The following NPAS3 variants were observed in gnomAD, a reference collection of about 807,000 sequenced individuals.
NPAS3 encodes the protein neuronal PAS domain-containing protein 3.
Under a neutral mutation model 73.1 loss-of-function variants are expected in NPAS3, and 14 were observed. The observed-to-expected ratio is 0.19, with a 90% CI of 0.13 to 0.30. The LOEUF (loss-of-function observed/expected upper bound fraction) is 0.30, where lower values mean the gene tolerates loss of function less well. NPAS3 is among the 10% of genes least tolerant of loss of function. NPAS3 has a pLI of 1.00. For synonymous variants in NPAS3, 620 were observed against 541.5 expected (o/e 1.14, Z -2.01); for missense variants, 1,096 against 1,250.0 (o/e 0.88, Z 1.86).
intron 6 of NPAS3, among the ~76,000 whole-genome samples, chr14:33,716,491 T>G (rs1484655562): frequency 6.6e-6 from 1 of 152,180 alleles, no homozygotes. Context: ...ATAAAAGTTA[T>G]CATTTTGCCA....
rs140775364 is a variant in NPAS3 at position 33,740,606 on chromosome 14, G to A, written c.852+5274G>A. Among the ~76,000 whole-genome samples, 89 of 152,300 alleles carry A rather than the reference G, an allele frequency of 5.8e-4. 1 individual carries two copies. The highest frequency in any genetic ancestry group is 2.0e-3 in the African/African-American group (83 of 41,572). On this transcript the variant is annotated intron_variant, in intron 7 of 11. Coordinates refer to ENST00000356141, the Ensembl canonical transcript of NPAS3. ...AGCTATGAACCCAAACGATTGTACC[G>A]TGATCTGGCTCACATTTCTCCATTT...
chr14:33,528,799 T>G (rs2053916070), intron 4 of NPAS3, among the ~76,000 whole-genome samples: 1 of 152,110 alleles, frequency 6.6e-6, no homozygotes, highest in Non-Finnish European at 1.5e-5. Context: ...TAACTTCTAA[T>G]ATAACAACAG....
intron 1 of NPAS3, among the ~76,000 whole-genome samples, chr14:32,944,271 G>A (rs1429004959): frequency 1.3e-5 from 2 of 152,044 alleles, no homozygotes; most frequent in African/African-American, 2.4e-5. Flanking sequence ...CATTCTAATT[G>A]ATTTTTTAAA....
intron 2 of NPAS3, among the ~76,000 whole-genome samples, chr14:33,083,222 CT>C (rs2041919388): frequency 4.2e-4 from 1 of 2,404 alleles, no homozygotes; most frequent in Non-Finnish European, 8.6e-4. Context: ...AAAGAAGGGA[CT>C]TTGCCTTTGC....
chr14:33,545,266 T>C (rs188804077), intron 4 of NPAS3, among the ~76,000 whole-genome samples: 8 of 152,266 alleles, frequency 5.3e-5, no homozygotes, highest in Middle Eastern at 3.4e-3. Flanking sequence ...CTTAGTAGAT[T>C]ATCCTACACT....
intron 5 of NPAS3, among the ~76,000 whole-genome samples, chr14:33,640,902 T>C (rs1312202970): frequency 2.0e-5 from 3 of 152,174 alleles, no homozygotes; most frequent in African/African-American, 7.2e-5. Flanking sequence ...CATATCAGAT[T>C]ATAGGTACTG....
At chr14:33,069,065 A>G (rs1270009032) in intron 2 of NPAS3, among the ~76,000 whole-genome samples, 2 of 152,300 alleles carry the variant, frequency 1.3e-5, no homozygotes, top group East Asian at 3.9e-4. Context: ...CTGGCTGAGC[A>G]TATGCTTCAG....
chr14:33,666,784 GAATA>G (rs2140297780), intron 5 of NPAS3, among the ~76,000 whole-genome samples: 1 of 152,246 alleles, frequency 6.6e-6, no homozygotes, highest in Admixed American at 6.5e-5. Context: ...GTGTTACAGG[GAATA>G]AATGATAGAT....
At chr14:33,410,903 C>T (rs61974967) in intron 4 of NPAS3, among the ~76,000 whole-genome samples, 13,599 of 152,196 alleles carry the variant, frequency 0.089, 722 homozygotes, top group South Asian at 0.16. Context: ...ACCTTGGCCT[C>T]CCAAAGTGCT....
chr14:33,637,871 C>T (rs759617289), intron 5 of NPAS3, among the ~76,000 whole-genome samples: 2 of 152,158 alleles, frequency 1.3e-5, no homozygotes, highest in African/African-American at 2.4e-5. Flanking sequence ...AAAACACTGC[C>T]TCCTACCCTG....
In NPAS3 at chr14:33,440,737, A is replaced by T. The variant is rs566251957; in HGVS notation, c.468+73469A>T. ...GCAAAACTCTGTTTTTACTAAAAAT[A>T]CAAAAATTATCTGGGTGTGGTGGAA... On this transcript the variant is annotated intron_variant, in intron 4 of 11. Coordinates refer to ENST00000356141, the Ensembl canonical transcript of NPAS3. Among the ~76,000 whole-genome samples, 203 of 152,244 alleles carry T rather than the reference A, an allele frequency of 1.3e-3. 2 individuals are homozygous for T. Among genetic ancestry groups the T allele is most frequent in the Admixed American group, 3.6e-3 (55 of 15,300 alleles).
chr14:33,622,311 T>TAA (rs200658326), intron 5 of NPAS3, among the ~76,000 whole-genome samples: 1 of 142,074 alleles, frequency 7.0e-6, no homozygotes. Context: ...AAATAAACCC[T>TAA]AAAAAAAAAA....
intron 1 of NPAS3, among the ~76,000 whole-genome samples, chr14:33,001,858 A>AT (rs1211522312): frequency 6.6e-6 from 1 of 152,116 alleles, no homozygotes; most frequent in African/African-American, 2.4e-5. Flanking sequence ...TGAATTCCAG[A>AT]TTCCTCAGCC....
At chr14:32,967,722 C>T (rs1566412014) in intron 1 of NPAS3, among the ~76,000 whole-genome samples, 1 of 150,624 alleles carries the variant, frequency 6.6e-6, no homozygotes, top group Non-Finnish European at 1.5e-5. Flanking sequence ...AAGGGGAGCT[C>T]TTATACACTG....
chr14:33,757,034 G>A (rs1210668967), intron 7 of NPAS3, among the ~76,000 whole-genome samples: 1 of 152,230 alleles, frequency 6.6e-6, no homozygotes, highest in East Asian at 1.9e-4. Context: ...TCTGAAAGGT[G>A]ATGTGAGAAA....
At chr14:33,549,903 A>G (rs1233162865) in intron 4 of NPAS3, among the ~76,000 whole-genome samples, 4 of 152,192 alleles carry the variant, frequency 2.6e-5, no homozygotes, top group Non-Finnish European at 5.9e-5. Context: ...CACTGAATTC[A>G]TTTCCAGCCA....
chr14:33,216,984 AC>A (rs2047247428), intron 3 of NPAS3, among the ~76,000 whole-genome samples: 1 of 152,192 alleles, frequency 6.6e-6, no homozygotes, highest in Non-Finnish European at 1.5e-5. Context: ...GCTATAAAAA[AC>A]TACCCGAGAA....
At chr14:32,950,553 A>C (rs1393381737) in intron 1 of NPAS3, among the ~76,000 whole-genome samples, 1 of 152,142 alleles carries the variant, frequency 6.6e-6, no homozygotes, top group Non-Finnish European at 1.5e-5. Context: ...TAACTATAAA[A>C]AGTTAGGTAT....
intron 5 of NPAS3, among the ~76,000 whole-genome samples, chr14:33,561,972 T>C (rs975621891): frequency 6.6e-6 from 1 of 152,230 alleles, no homozygotes; most frequent in Non-Finnish European, 1.5e-5. Flanking sequence ...ATGCTTAGAC[T>C]GATAGCTAGG....
Sources: gnomAD v4.1 joint callset for allele counts (sites outside exome capture counted in the v4.1 genomes callset) on GRCh38, gnomAD v4.1.1 for gene constraint, MANE v1.5 for transcripts, NCBI Gene and HGNC (gene_info 2026-07-23, HGNC 2026-07-21) for gene names.